Variants in CDK19 observed in about 807,000 individuals in gnomAD.
The protein encoded by CDK19 is cyclin-dependent kinase 19.
In CDK19, 20 loss-of-function variants were observed where a neutral mutation model predicts 68.3. The ratio of observed to expected loss-of-function variants is 0.29; its 90% CI spans 0.21 to 0.43. CDK19 has a LOEUF of 0.43. Ranked by LOEUF, CDK19 falls within the 20% of genes least tolerant of loss-of-function variation. The probability of loss-of-function intolerance (pLI) is 1.00; values close to 1 mark genes in which losing one functional copy is unlikely to be tolerated. For synonymous variants in CDK19, 221 were observed against 222.8 expected (o/e 0.99, Z 0.07); for missense variants, 339 against 623.5 (o/e 0.54, Z 4.86).
chr6:110,627,680 T>A (rs111226813), intron 6 of CDK19, among the ~76,000 whole-genome samples: 1 of 152,122 alleles, frequency 6.6e-6, no homozygotes, highest in Admixed American at 6.5e-5. Context: ...CCTGGCTAAT[T>A]TTTTAAAAAA....
chr6:110,792,260 C>T (rs975193904), intron 1 of CDK19, among the ~76,000 whole-genome samples: 4 of 152,080 alleles, frequency 2.6e-5, no homozygotes, highest in South Asian at 2.1e-4. Flanking sequence ...TGAGCCACCG[C>T]GCCTGGCCCT....
At chr6:110,780,131 T>A (rs1780693104) in intron 1 of CDK19, among the ~76,000 whole-genome samples, 1 of 150,976 alleles carries the variant, frequency 6.6e-6, no homozygotes, top group Non-Finnish European at 1.5e-5. Flanking sequence ...GACTGGAGAA[T>A]CACTTGAACC....
At position 110,815,027 on chromosome 6, in the gene CDK19, T is replaced by G. The variant is rs1241915940; in HGVS notation, c.110A>C (p.Lys37Thr). 1 of 1,604,070 alleles carries G rather than the reference T, an allele frequency of 6.2e-7. No individual in the cohort carries two copies. ...CTCTTACCCATCTTTCCGCCTCGCC[T>G]TGTAGACGTGACCGTAGGTGCCGCG... ...VGRGTYGHVY[K>T]ARRKDGKDEK... The change falls in exon 1 of 13, where the codon AAG (lysine) becomes ACG (threonine). Residue 37 changes from lysine (K) to threonine (T), a missense_variant. Coordinates refer to ENST00000368911, the MANE Select transcript of CDK19 (RefSeq NM_015076.5).
intron 2 of CDK19, among the ~76,000 whole-genome samples, chr6:110,674,527 AG>A (rs200727824): frequency 0.019 from 2,918 of 152,316 alleles, 100 homozygotes; most frequent in African/African-American, 0.067. Context: ...CACAAAGATA[AG>A]AAAGCAAAAC....
At chr6:110,614,917 A>C (rs1778215328) in intron 12 of CDK19, among the ~76,000 whole-genome samples, 1 of 152,204 alleles carries the variant, frequency 6.6e-6, no homozygotes, top group Middle Eastern at 3.2e-3. Flanking sequence ...TACACTGGAA[A>C]GAAAGGAAAA....
Position 110,815,379 on chromosome 6 carries a change from C to G in CDK19, c.-243G>C, listed in dbSNP as rs925994557. 2.6e-6 allele frequency: 1 copy of G among 379,374 alleles called. No homozygotes were observed. Among genetic ancestry groups the G allele is most frequent in the East Asian group, 4.4e-5 (1 of 22,612 alleles). 23.5% of individuals were successfully genotyped at this position (379,374 alleles called of 1,614,324 possible). ...CGACGGCGGCGGCGGCTCCCGCAGG[C>G]ACCCCCAGTCCCGCCTCCCTCCTTC... is the stretch of plus-strand genomic sequence containing the variant. On this transcript the variant is annotated 5_prime_UTR_variant, in exon 1 of 13. Coordinates refer to ENST00000368911, the MANE Select transcript of CDK19 (RefSeq NM_015076.5).
intron 1 of CDK19, among the ~76,000 whole-genome samples, chr6:110,759,098 C>T (rs1385831677): frequency 3.3e-5 from 5 of 151,812 alleles, no homozygotes; most frequent in African/African-American, 1.2e-4. Flanking sequence ...CCTGTCTCTA[C>T]AAAAACTAAA....
At chr6:110,793,813 A>G (rs1290934839) in intron 1 of CDK19, among the ~76,000 whole-genome samples, 1 of 152,200 alleles carries the variant, frequency 6.6e-6, no homozygotes, top group African/African-American at 2.4e-5. Context: ...GAGGCATAAC[A>G]ATCATTTGGG....
intron 4 of CDK19, chr6:110,645,757 G>T: frequency 5.5e-6 from 3 of 549,444 alleles, no homozygotes; most frequent in South Asian, 1.7e-5. Context: ...GGTAATGCAT[G>T]GACAATGAGC....
At chr6:110,644,263 G>C (rs1780394992) in intron 4 of CDK19, among the ~76,000 whole-genome samples, 1 of 151,196 alleles carries the variant, frequency 6.6e-6, no homozygotes, top group Non-Finnish European at 1.5e-5. Flanking sequence ...CTGCATTCCA[G>C]CCTGGGTGAC....
intron 2 of CDK19, among the ~76,000 whole-genome samples, chr6:110,710,169 G>A (rs1434722253): frequency 6.6e-6 from 1 of 152,146 alleles, no homozygotes; most frequent in African/African-American, 2.4e-5. Flanking sequence ...TAGAAAAGTA[G>A]TCATTTATAA....
intron 4 of CDK19, among the ~76,000 whole-genome samples, chr6:110,661,337 T>C (rs1781606070): frequency 6.6e-6 from 1 of 152,242 alleles, no homozygotes; most frequent in Non-Finnish European, 1.5e-5. Context: ...TTTTGCCTTA[T>C]AATATTTTCA....
intron 4 of CDK19, among the ~76,000 whole-genome samples, chr6:110,664,147 C>T (rs769801864): frequency 6.6e-6 from 1 of 152,138 alleles, no homozygotes; most frequent in Non-Finnish European, 1.5e-5. Context: ...TCAGCTTATC[C>T]ATATTTGAGC....
intron 2 of CDK19, among the ~76,000 whole-genome samples, chr6:110,678,140 A>G (rs1351870722): frequency 6.6e-5 from 10 of 151,978 alleles, no homozygotes; most frequent in Non-Finnish European, 1.5e-4. Flanking sequence ...GAGCCACCAC[A>G]CTAGCCCAGA....
At chr6:110,803,283 G>T (rs1328136654) in intron 1 of CDK19, among the ~76,000 whole-genome samples, 3 of 152,176 alleles carry the variant, frequency 2.0e-5, no homozygotes, top group Non-Finnish European at 1.5e-5. Context: ...GTTTCATTGT[G>T]TTAGCCAGGA....
intron 5 of CDK19, among the ~76,000 whole-genome samples, chr6:110,637,362 C>T (rs193094493): frequency 2.0e-5 from 3 of 152,090 alleles, no homozygotes; most frequent in African/African-American, 7.2e-5. Flanking sequence ...GGAAAGCTAC[C>T]AGCTACTTAA....
chr6:110,654,741 G>A (rs1562164440), intron 4 of CDK19, among the ~76,000 whole-genome samples: 1 of 152,192 alleles, frequency 6.6e-6, no homozygotes, highest in African/African-American at 2.4e-5. Flanking sequence ...AGGAGTTCGA[G>A]ACCAGCCTGA....
At chr6:110,699,399 C>A (rs957074924) in intron 2 of CDK19, among the ~76,000 whole-genome samples, 1 of 139,744 alleles carries the variant, frequency 7.2e-6, no homozygotes, top group Admixed American at 7.7e-5. Flanking sequence ...CATTCCAGCT[C>A]GGGCAAGAGA....
chr6:110,809,470 G>A (rs936109089), intron 1 of CDK19, among the ~76,000 whole-genome samples: 8 of 152,116 alleles, frequency 5.3e-5, no homozygotes, highest in Admixed American at 1.3e-4. Flanking sequence ...AGTCAGCTAC[G>A]ACTGCACGAC....
Sources: allele counts gnomAD v4.1 joint callset (sites outside exome capture counted in the v4.1 genomes callset), GRCh38; gene constraint gnomAD v4.1.1; transcripts MANE v1.5; gene names NCBI Gene and HGNC (gene_info 2026-07-23, HGNC 2026-07-21).